Variants in ZC4H2 observed in about 807,000 individuals in gnomAD.
ZC4H2 encodes the protein zinc finger C4H2 domain-containing protein.
For synonymous variants in ZC4H2, 84 were observed against 66.3 expected, an observed-to-expected ratio of 1.27 and a Z score of -1.30; for missense variants, 137 against 173.9, an observed-to-expected ratio of 0.79 and a Z score of 1.19.
At chrX:64,996,266 G>T (rs765477079) in intron 1 of ZC4H2, among the ~76,000 whole-genome samples, 5 of 111,005 alleles carry the variant, frequency 4.5e-5, no homozygotes, top group Non-Finnish European at 9.4e-5. Flanking sequence ...CTAAGAAACA[G>T]AAACTTCAGT....
chrX:64,968,343 A>G (rs758725365), intron 1 of ZC4H2, among the ~76,000 whole-genome samples: 73 of 111,928 alleles, frequency 6.5e-4, no homozygotes, highest in African/African-American at 2.1e-3. Flanking sequence ...TCACCTTTCC[A>G]TCACAACAAG....
intron 1 of ZC4H2, among the ~76,000 whole-genome samples, chrX:65,026,314 CA>C (rs1932878037): frequency 9.0e-6 from 1 of 111,602 alleles, no homozygotes; most frequent in East Asian, 2.8e-4. Flanking sequence ...GTTTTTCAGG[CA>C]AAGGGAAAAG....
At chrX:64,971,495 A>T (rs1931779054) in intron 1 of ZC4H2, among the ~76,000 whole-genome samples, 1 of 112,104 alleles carries the variant, frequency 8.9e-6, no homozygotes, top group African/African-American at 3.2e-5. Context: ...AAGGGGAGTC[A>T]ACATTGACTT....
chrX:64,963,924 A>C (rs753679598), intron 1 of ZC4H2, among the ~76,000 whole-genome samples: 97 of 111,906 alleles, frequency 8.7e-4, no homozygotes, highest in African/African-American at 3.0e-3. Context: ...CCTAAGTGAA[A>C]TAAGCTAATC....
chrX:64,947,958 A>G (rs1332273997), intron 1 of ZC4H2, among the ~76,000 whole-genome samples: 4 of 110,128 alleles, frequency 3.6e-5, no homozygotes, highest in Non-Finnish European at 7.6e-5. Context: ...TTGCTCAGTT[A>G]AACTCCTTTA....
At chrX:64,997,370 A>C (rs1169766833) in intron 1 of ZC4H2, among the ~76,000 whole-genome samples, 1 of 112,308 alleles carries the variant, frequency 8.9e-6, no homozygotes, top group African/African-American at 3.2e-5. Context: ...GTTGAAATAA[A>C]AGAAAACTAG....
chrX:64,994,474 T>C (rs1932371574), intron 1 of ZC4H2, among the ~76,000 whole-genome samples: 1 of 112,241 alleles, frequency 8.9e-6, no homozygotes, highest in South Asian at 3.6e-4. Context: ...AGGATATTCT[T>C]AGGGATCCAT....
chrX:64,950,499 C>A (rs977509462), intron 1 of ZC4H2, among the ~76,000 whole-genome samples: 1 of 111,207 alleles, frequency 9.0e-6, no homozygotes, highest in African/African-American at 3.3e-5. Context: ...CTTTCTAGGT[C>A]TCTAAGGACT....
At chrX:64,937,816 C>A (rs1451293715) in intron 1 of ZC4H2, among the ~76,000 whole-genome samples, 1 of 111,188 alleles carries the variant, frequency 9.0e-6, no homozygotes, top group African/African-American at 3.3e-5. Context: ...CACTAAATCC[C>A]CACAAGAGAA....
intron 1 of ZC4H2, among the ~76,000 whole-genome samples, chrX:65,029,538 T>C (rs1258787270): frequency 9.0e-6 from 1 of 111,361 alleles, no homozygotes. Context: ...CTTTTAAGAA[T>C]GGAAGAGTCT....
intron 1 of ZC4H2, among the ~76,000 whole-genome samples, chrX:65,021,069 T>A (rs1569232525): frequency 9.1e-6 from 1 of 110,349 alleles, no homozygotes; most frequent in African/African-American, 3.4e-5. Flanking sequence ...TCCCACACAA[T>A]AATAGTGGGA....
intron 1 of ZC4H2, among the ~76,000 whole-genome samples, chrX:64,931,884 A>G (rs1929768395): frequency 8.9e-6 from 1 of 111,871 alleles, no homozygotes; most frequent in Non-Finnish European, 1.9e-5. Context: ...TCTAGGGTAT[A>G]GTTTAAGTCC....
intron 1 of ZC4H2, among the ~76,000 whole-genome samples, chrX:65,001,174 G>A (rs1932527723): frequency 9.0e-6 from 1 of 110,708 alleles, no homozygotes; most frequent in African/African-American, 3.3e-5. Flanking sequence ...AAATGTTAAG[G>A]GCAGCCAGAG....
intron 1 of ZC4H2, among the ~76,000 whole-genome samples, chrX:64,951,762 C>A (rs1357511050): frequency 9.0e-6 from 1 of 110,853 alleles, no homozygotes; most frequent in Non-Finnish European, 1.9e-5. Context: ...CCTGCTCACT[C>A]TGATGGTAGT....
intron 1 of ZC4H2, among the ~76,000 whole-genome samples, chrX:65,000,055 G>T (rs1380042588): frequency 8.9e-6 from 1 of 112,502 alleles, no homozygotes; most frequent in Non-Finnish European, 1.9e-5. Flanking sequence ...GCTCTGAAGA[G>T]AGCAGCACAT....
At position 64,945,209 on chromosome X, in the gene ZC4H2, C is replaced by T. The variant is rs188327365; in HGVS notation, c.54-23221G>A. On this transcript the variant is annotated intron_variant, in intron 1 of 4. Coordinates refer to ENST00000374839, the MANE Select transcript of ZC4H2 (RefSeq NM_018684.4). ...TTTTGCACTGGTTTTTCCTCATCTT[C>T]GTGTATTTATTTAACTTTGATCTTT... Among the ~76,000 whole-genome samples the T allele has an allele frequency of 7.2e-3, 806 of 112,502 alleles. 7 individuals carry two copies. The highest frequency in any genetic ancestry group is 0.024 in the African/African-American group (751 of 30,989).
At chrX:64,974,556 A>G (rs1931880571) in intron 1 of ZC4H2, among the ~76,000 whole-genome samples, 1 of 111,782 alleles carries the variant, frequency 8.9e-6, no homozygotes, top group South Asian at 3.7e-4. Flanking sequence ...ACTCTCTTGG[A>G]TGGAAGAGGG....
chrX:64,948,658 A>G (rs1347006556), intron 1 of ZC4H2, among the ~76,000 whole-genome samples: 1 of 112,066 alleles, frequency 8.9e-6, no homozygotes, highest in Non-Finnish European at 1.9e-5. Context: ...CTACTACATA[A>G]TTAAAATTAC....
chrX:64,937,096 A>G lies in ZC4H2; in HGVS notation c.54-15108T>C, dbSNP rs749544899. Among the ~76,000 whole-genome samples the G allele has an allele frequency of 9.7e-3, 769 of 79,019 alleles. 6 individuals are homozygous for G. The African/African-American group carries it at 0.21, about 21-fold the overall frequency. 68.6% of individuals were successfully genotyped at this position (79,019 alleles called of 115,157 possible). A position where few individuals can be genotyped will look rare whatever the true frequency, so the allele number is the denominator to read the frequency against. ...AATATTTACCAAGCAAATGGAAAGA[A>G]AAAAAAAAAAGCTGGGGTTGCAATC... On this transcript the variant is annotated intron_variant, in intron 1 of 4. Transcript: ENST00000374839.
Sources: gnomAD v4.1 joint callset for allele counts (sites outside exome capture counted in the v4.1 genomes callset) on GRCh38, gnomAD v4.1.1 for gene constraint, MANE v1.5 for transcripts, NCBI Gene and HGNC (gene_info 2026-07-23, HGNC 2026-07-21) for gene names.